The following RELN variants were observed in gnomAD, a reference collection of about 807,000 sequenced individuals.
RELN encodes the protein reelin.
In RELN, 108 loss-of-function variants were observed where a neutral mutation model predicts 427.6. That is an observed-to-expected ratio of 0.25 (90% confidence interval 0.22 to 0.30). The LOEUF is 0.30. Among genes scored for constraint, RELN ranks in the 10% least tolerant of loss-of-function variants. RELN has a pLI of 1.00. For synonymous variants in RELN, 1,524 were observed against 1,513.4 expected, an observed-to-expected ratio of 1.01 and a Z score of -0.16; for missense variants, 3,715 against 4,302.8, an observed-to-expected ratio of 0.86 and a Z score of 3.82.
At chr7:103,908,003 T>G (rs3857820) in intron 2 of RELN, among the ~76,000 whole-genome samples, 9,429 of 152,100 alleles carry the variant, frequency 0.062, 942 homozygotes, top group African/African-American at 0.21. Context: ...CCTCTCCCTG[T>G]GTCCATGTGT....
chr7:103,869,075 T>A (rs1191298293), intron 2 of RELN, among the ~76,000 whole-genome samples: 1 of 152,110 alleles, frequency 6.6e-6, no homozygotes, highest in Non-Finnish European at 1.5e-5. Flanking sequence ...CAATGCTTTT[T>A]ATTTGTTCCC....
At chr7:103,847,080 A>G (rs1420900098) in intron 2 of RELN, among the ~76,000 whole-genome samples, 1 of 152,240 alleles carries the variant, frequency 6.6e-6, no homozygotes, top group Non-Finnish European at 1.5e-5. Context: ...TATATACCCA[A>G]AGGGTTATAA....
intron 3 of RELN, among the ~76,000 whole-genome samples, chr7:103,794,285 A>G (rs970362960): frequency 3.5e-4 from 54 of 152,220 alleles, no homozygotes; most frequent in South Asian, 1.7e-3. Context: ...CTCGAAAACT[A>G]CTAGTCTGAA....
chr7:103,688,773 T>A (rs1437429265), intron 10 of RELN, among the ~76,000 whole-genome samples: 4 of 152,096 alleles, frequency 2.6e-5, no homozygotes, highest in Admixed American at 2.0e-4. Context: ...GACAATGAAT[T>A]TGGCAAATGC....
intron 6 of RELN, among the ~76,000 whole-genome samples, chr7:103,738,422 G>A (rs1295800453): frequency 6.6e-6 from 1 of 151,114 alleles, no homozygotes; most frequent in South Asian, 2.1e-4. Context: ...AATTTTTACT[G>A]AGGGAAATTT....
At chr7:103,878,380 C>T (rs181695467) in intron 2 of RELN, among the ~76,000 whole-genome samples, 29 of 152,150 alleles carry the variant, frequency 1.9e-4, no homozygotes, top group Non-Finnish European at 2.9e-5. Flanking sequence ...TAAATACTTA[C>T]CAAATTGTGG....
chr7:103,652,788 CA>C (rs1364124510), intron 13 of RELN, 29 bp from the exon 14 acceptor site: 1 of 1,599,300 alleles, frequency 6.3e-7, no homozygotes, highest in African/African-American at 1.3e-5. Context: ...CAGAATCACT[CA>C]AAATCCTTTC....
chr7:103,845,207 ATTG>A (rs1793645832), intron 2 of RELN, among the ~76,000 whole-genome samples: 2 of 144,666 alleles, frequency 1.4e-5, no homozygotes, highest in Admixed American at 1.4e-4. Flanking sequence ...TCTTTTTTTT[ATTG>A]TTGTTGTTGA....
intron 41 of RELN, among the ~76,000 whole-genome samples, chr7:103,547,336 G>A (rs964129157): frequency 2.0e-5 from 3 of 152,028 alleles, no homozygotes; most frequent in East Asian, 1.9e-4. Context: ...TGCTCTTGTC[G>A]CCCAGGCTTG....
intron 3 of RELN, among the ~76,000 whole-genome samples, chr7:103,820,878 A>T (rs1362004018): frequency 2.6e-5 from 4 of 152,040 alleles, no homozygotes; most frequent in Non-Finnish European, 5.9e-5. Context: ...ACACACACAC[A>T]TGCACACAGA....
chr7:103,752,800 A>G (rs1791039110), intron 5 of RELN, among the ~76,000 whole-genome samples: 1 of 152,148 alleles, frequency 6.6e-6, no homozygotes, highest in South Asian at 2.1e-4. Flanking sequence ...CAAATCTTAA[A>G]TGACTTCAGT....
At chr7:103,490,969 C>A in intron 58 of RELN, 140 bp from the exon 59 acceptor site, 1 of 754,182 alleles carries the variant, frequency 1.3e-6, no homozygotes. Flanking sequence ...TTTATAATTA[C>A]AGATTATAAA....
At chr7:103,627,920 T>C (rs766481896) in intron 20 of RELN, 2 of 152,240 alleles carry the variant, frequency 1.3e-5, no homozygotes, top group Non-Finnish European at 2.9e-5. Flanking sequence ...GCTGTTATCA[T>C]GCATTCAATG....
chr7:103,949,380 C>CT (rs978235417), intron 1 of RELN, among the ~76,000 whole-genome samples: 4 of 102,264 alleles, frequency 3.9e-5, no homozygotes, highest in African/African-American at 1.6e-4. Flanking sequence ...AAACTTTGAA[C>CT]TTAAAAAAAA....
intron 3 of RELN, among the ~76,000 whole-genome samples, chr7:103,801,694 C>T (rs1050474298): frequency 1.3e-5 from 2 of 150,948 alleles, no homozygotes; most frequent in South Asian, 2.1e-4. Context: ...CGAGCCTGCA[C>T]GTTGTGCACA....
chr7:103,911,752 G>A (rs1795371433), intron 2 of RELN, among the ~76,000 whole-genome samples: 1 of 133,230 alleles, frequency 7.5e-6, no homozygotes, highest in African/African-American at 2.9e-5. Context: ...ACTATCGCAA[G>A]AACAAAAAAC....
intron 6 of RELN, among the ~76,000 whole-genome samples, chr7:103,741,581 G>A (rs1790657750): frequency 6.6e-6 from 1 of 151,874 alleles, no homozygotes; most frequent in Admixed American, 6.6e-5. Context: ...GGAAGAAAAG[G>A]AGGGTGAGGG....
At chr7:103,947,001 C>T (rs1378489562) in intron 1 of RELN, among the ~76,000 whole-genome samples, 1 of 152,152 alleles carries the variant, frequency 6.6e-6, no homozygotes, top group African/African-American at 2.4e-5. Flanking sequence ...TCTAGTAAAT[C>T]TTCTAAACAC....
At chr7:103,714,829 A>G (rs1789897959) in intron 8 of RELN, among the ~76,000 whole-genome samples, 1 of 152,184 alleles carries the variant, frequency 6.6e-6, no homozygotes, top group Admixed American at 6.5e-5. Context: ...GCCCACAGAT[A>G]TTACTTTAAT....
Sources: gnomAD v4.1 joint callset for allele counts (sites outside exome capture counted in the v4.1 genomes callset) on GRCh38, gnomAD v4.1.1 for gene constraint, MANE v1.5 for transcripts, NCBI Gene and HGNC (gene_info 2026-07-23, HGNC 2026-07-21) for gene names.